Variants in DNAH17 observed in about 807,000 individuals in gnomAD.
The protein encoded by DNAH17 is axonemal beta dynein heavy chain 17.
DNAH17 carries 376 observed loss-of-function variants against 485.6 expected under a neutral mutation model. The observed-to-expected ratio is 0.77, with a 90% CI of 0.71 to 0.84. The LOEUF (loss-of-function observed/expected upper bound fraction) is 0.84. Ranked by LOEUF, DNAH17 falls within the 40% of genes least tolerant of loss-of-function variation. The pLI, the probability that DNAH17 is intolerant of heterozygous loss-of-function variation, is 0.00. For missense variants in DNAH17, 6,370 were observed against 5,839.3 expected (o/e 1.09, Z -2.96); for synonymous variants, 3,031 against 2,405.9 (o/e 1.26, Z -7.60).
Position 78,423,743 on chromosome 17 carries a change from C to T in DNAH17, c.*163G>A. On this transcript the variant is annotated 3_prime_UTR_variant, in exon 81 of 81. Coordinates refer to ENST00000389840, the MANE Select transcript of DNAH17 (RefSeq NM_173628.4). ...ATCTGCCCCACCTCTTCCACACCAACCTCCACCCTCTGGTTCCGATGTGCT... is the reference window on the plus strand; with the variant it reads ...ATCTGCCCCACCTCTTCCACACCAATCTCCACCCTCTGGTTCCGATGTGCT... The T allele has an allele frequency of 2.2e-6, 2 of 920,176 alleles. No individual in the cohort carries two copies. Among genetic ancestry groups the T allele is most frequent in the Non-Finnish European group, 3.3e-6 (2 of 610,112 alleles). The allele number at this position is 920,176 out of a possible 1,614,324, so 57.0% of individuals were successfully genotyped here. A position where few individuals can be genotyped will look rare whatever the true frequency, so the allele number is the denominator to read the frequency against.
At chr17:78,461,173 C>T (rs1261935700) in intron 58 of DNAH17, among the ~76,000 whole-genome samples, 1 of 152,162 alleles carries the variant, frequency 6.6e-6, no homozygotes, top group Non-Finnish European at 1.5e-5. Flanking sequence ...GAGGTCTTCT[C>T]AACCCCTCCC....
intron 26 of DNAH17, chr17:78,510,741 C>G (rs1310594588): frequency 2.6e-6 from 1 of 385,892 alleles, no homozygotes; most frequent in East Asian, 3.6e-5. Flanking sequence ...CTGCACTGGG[C>G]GGAATTGCGG....
intron 31 of DNAH17, 89 bp from the exon 32 acceptor site, chr17:78,503,100 C>A: frequency 2.5e-5 from 32 of 1,263,910 alleles, no homozygotes; most frequent in East Asian, 1.4e-4. Context: ...TAAAGAAAAA[C>A]ATTTCTCATC....
At chr17:78,548,574 T>C (rs1170151055) in intron 16 of DNAH17, among the ~76,000 whole-genome samples, 2 of 152,220 alleles carry the variant, frequency 1.3e-5, no homozygotes, top group African/African-American at 4.8e-5. Context: ...TCTGTGTTTT[T>C]CTGAGATATC....
At chr17:78,518,861 C>G (rs692162) in intron 25 of DNAH17, among the ~76,000 whole-genome samples, 29,858 of 151,970 alleles carry the variant, frequency 0.2, 3,397 homozygotes, top group East Asian at 0.47. Context: ...AGGAAAATCT[C>G]TAAACGCTTA....
intron 75 of DNAH17, among the ~76,000 whole-genome samples, chr17:78,432,505 G>A (rs11077366): frequency 0.76 from 115,769 of 152,146 alleles, 45,024 homozygotes; most frequent in East Asian, 0.97. Flanking sequence ...TCCAGGGCTG[G>A]TGTGCCTCCC....
At chr17:78,461,145 T>G (rs1359070289) in intron 58 of DNAH17, among the ~76,000 whole-genome samples, 1 of 152,004 alleles carries the variant, frequency 6.6e-6, no homozygotes, top group Non-Finnish European at 1.5e-5. Context: ...GCCGCACGTC[T>G]GAGGACCAGG....
At chr17:78,559,550 C>T (rs947169108) in intron 13 of DNAH17, among the ~76,000 whole-genome samples, 1 of 152,246 alleles carries the variant, frequency 6.6e-6, no homozygotes, top group African/African-American at 2.4e-5. Context: ...CACCTCCCAG[C>T]TGTCATCTCT....
At position 78,514,821 on chromosome 17, in the gene DNAH17, G is replaced by A. The variant is rs1255774481; in HGVS notation, c.4066C>T (p.Pro1356Ser). 6.2e-7 allele frequency: 1 copy of A among 1,614,040 alleles called. No homozygotes were observed. Among genetic ancestry groups the A allele is most frequent in the East Asian group, 2.2e-5 (1 of 44,882 alleles). ...SLRAVSELQN[P>S]AIRERHWQQL... ...TGCCAGTGGCGTTCCCGAATGGCAG[G>A]GTTCTGCAGCTCGCTCACGGCACGC... Residue 1356 changes from proline (P) to serine (S), a missense_variant, in exon 26 of 81, where the codon CCT (proline) becomes TCT (serine). Transcript: ENST00000389840.
Position 78,449,948 on chromosome 17 carries a change from T to A in DNAH17, c.11040+306A>T, listed in dbSNP as rs1598467673. The A allele has an allele frequency of 1.5e-5, 7 of 477,002 alleles. No individual in the cohort carries two copies. In the East Asian group the frequency reaches 2.5e-4, roughly 17 times the overall value. 29.5% of individuals were successfully genotyped at this position (477,002 alleles called of 1,614,324 possible). A position where few individuals can be genotyped will look rare whatever the true frequency, so the allele number is the denominator to read the frequency against. On this transcript the variant is annotated intron_variant, in intron 68 of 80. Coordinates refer to ENST00000389840, the MANE Select transcript of DNAH17 (RefSeq NM_173628.4). ...GCCTCGGCCCCCCATAGTGCTGAGA[T>A]GACAGGCATGAGCCACCATGCCAGG...
chr17:78,443,636 A>G (rs1432911146), intron 71 of DNAH17, among the ~76,000 whole-genome samples: 1 of 151,924 alleles, frequency 6.6e-6, no homozygotes, highest in East Asian at 1.9e-4. Context: ...TGCAGCCTCC[A>G]CCTCCCGGGC....
intron 25 of DNAH17, among the ~76,000 whole-genome samples, chr17:78,520,853 T>C (rs896235045): frequency 6.6e-6 from 1 of 152,232 alleles, no homozygotes; most frequent in African/African-American, 2.4e-5. Context: ...AAGGTTTTAT[T>C]TTTTTATAAG....
chr17:78,463,399 T>G (rs527947942), intron 56 of DNAH17, among the ~76,000 whole-genome samples: 1 of 152,258 alleles, frequency 6.6e-6, no homozygotes, highest in Non-Finnish European at 1.5e-5. Context: ...TATATACGCG[T>G]GCACACGCAT....
chr17:78,575,260 C>CA (rs2092417301), intron 1 of DNAH17, among the ~76,000 whole-genome samples, 178 bp from the exon 2 acceptor site: 1 of 152,196 alleles, frequency 6.6e-6, no homozygotes, highest in Admixed American at 6.5e-5. Flanking sequence ...CAGGTGCTGG[C>CA]ACCTGCCCCG....
chr17:78,548,669 G>A (rs1429966419), intron 16 of DNAH17, among the ~76,000 whole-genome samples: 1 of 152,106 alleles, frequency 6.6e-6, no homozygotes, highest in East Asian at 1.9e-4. Context: ...ACACCTGAGG[G>A]CTAAGGGCAC....
Position 78,432,914 on chromosome 17 carries a change from C to CCT in DNAH17, c.12225+1114_12225+1115insAG, listed in dbSNP as rs397767330. On this transcript the variant is annotated intron_variant, in intron 75 of 80. Coordinates refer to ENST00000389840, the MANE Select transcript of DNAH17 (RefSeq NM_173628.4). Reference sequence around the variant, plus strand: ...AGGCTTCAAACGTGCCCCCCCCCCCCGACCCCGGTGCCAGCACCGTTTCTC... The same window carrying CCT: ...AGGCTTCAAACGTGCCCCCCCCCCCCCTGACCCCGGTGCCAGCACCGTTTCTC... Among the ~76,000 whole-genome samples, 19 of 130,256 alleles carry CCT rather than the reference C, an allele frequency of 1.5e-4. No homozygotes were observed. In the East Asian group the frequency reaches 3.6e-3, roughly 25 times the overall value. 85.5% of individuals were successfully genotyped at this position (130,256 alleles called of 152,430 possible).
In DNAH17 at chr17:78,484,739, A is replaced by ACCCCCCCGGCCCCCCCCC; in HGVS notation, c.7649+128_7649+129insGGGGGGGGGCCGGGGGGG. On this transcript the variant is annotated intron_variant, in intron 48 of 80. Transcript: ENST00000389840. ...CGTGTCTCCCTACCCACGTTGCAGC[A>ACCCCCCCGGCCCCCCCCC]CCCCCCCCACCGCCCCACACCAGTC... 6.6e-5 allele frequency: 23 copies of ACCCCCCCGGCCCCCCCCC among 347,790 alleles called. 1 individual carries two copies. Among genetic ancestry groups the ACCCCCCCGGCCCCCCCCC allele is most frequent in the Non-Finnish European group, 9.6e-5 (21 of 219,162 alleles). 21.5% of individuals were successfully genotyped at this position (347,790 alleles called of 1,614,324 possible).
chr17:78,457,657 CTTTTTTTTTTTTT>C (rs71160297), intron 62 of DNAH17, among the ~76,000 whole-genome samples: 1 of 66,786 alleles, frequency 1.5e-5, no homozygotes, highest in South Asian at 6.0e-4. Context: ...CCGTGCCTGG[CTTTTTTTTTTTTT>C]TTTTTTTTTT....
intron 75 of DNAH17, among the ~76,000 whole-genome samples, chr17:78,432,907 C>CCG: frequency 8.4e-6 from 1 of 118,760 alleles, no homozygotes; most frequent in African/African-American, 3.4e-5. Context: ...AACGTGCCCC[C>CCG]CCCCCCCGAC....
Sources: allele counts gnomAD v4.1 joint callset (sites outside exome capture counted in the v4.1 genomes callset), GRCh38; gene constraint gnomAD v4.1.1; transcripts MANE v1.5; gene names NCBI Gene and HGNC (gene_info 2026-07-23, HGNC 2026-07-21).